Variants in COL14A1 observed in about 807,000 individuals in gnomAD.
COL14A1 encodes the protein collagen alpha-1(XIV) chain.
A neutral mutation model predicts 230.3 loss-of-function variants in COL14A1; 136 were observed. The observed-to-expected ratio is 0.59, with a 90% CI of 0.51 to 0.68. The LOEUF is 0.68. Ranked by LOEUF, COL14A1 falls within the 30% of genes least tolerant of loss-of-function variation. The probability of loss-of-function intolerance (pLI) is 0.00; values close to 1 mark genes in which losing one functional copy is unlikely to be tolerated. For synonymous variants in COL14A1, 792 were observed against 784.1 expected, an observed-to-expected ratio of 1.01 and a Z score of -0.17; for missense variants, 1,976 against 2,215.8, an observed-to-expected ratio of 0.89 and a Z score of 2.17.
rs528869805 is a variant in COL14A1 at position 120,347,397 on chromosome 8, C to T, written c.5077+1834C>T. Among the ~76,000 whole-genome samples, 270 of 152,218 alleles carry T rather than the reference C, an allele frequency of 1.8e-3. 1 individual carries two copies. Among genetic ancestry groups the T allele is most frequent in the African/African-American group, 6.3e-3 (261 of 41,512 alleles). ...AGTAAGACAGAAAGTGAGAAATGCCCTTTGAGCATGGGGAAAGGTGATTTT... is the reference window on the plus strand; with the variant it reads ...AGTAAGACAGAAAGTGAGAAATGCCTTTTGAGCATGGGGAAAGGTGATTTT... On this transcript the variant is annotated intron_variant, in intron 45 of 47. Coordinates refer to ENST00000297848, the MANE Select transcript of COL14A1 (RefSeq NM_021110.4).
At chr8:120,192,703 C>T (rs2130690758) in intron 5 of COL14A1, among the ~76,000 whole-genome samples, 1 of 152,202 alleles carries the variant, frequency 6.6e-6, no homozygotes, top group Admixed American at 6.5e-5. Flanking sequence ...TAGATTTGGT[C>T]TTTTCACGTA....
chr8:120,281,059 G>C lies in COL14A1; in HGVS notation c.3824G>C (p.Arg1275Thr), dbSNP rs747972828. The change falls in exon 31 of 48, where the codon AGG becomes ACG. Residue 1275 changes from arginine (R) to threonine (T), a missense_variant and splice_region_variant. By Grantham distance (71) the Arg-to-Thr change is moderately conservative (BLOSUM62 -1). This residue lies in a region of COL14A1 where 1,791 missense variants were observed against 2,019.5 expected (regional missense o/e 0.89). Coordinates refer to ENST00000297848, the MANE Select transcript of COL14A1 (RefSeq NM_021110.4). The stretch of plus-strand genomic sequence containing the variant: ...GATGCCCTGGTTTCCCAGCCAACCA[G>C]GTATGTTTCTGTTGAAAGATTTTAA... ...HKDALVSQPT[R>T]YLHPEGLPSD... is the part of the protein sequence containing the mutation. The C allele has an allele frequency of 6.3e-7, 1 of 1,599,156 alleles. No individual in the cohort carries two copies. The highest frequency in any genetic ancestry group is 8.5e-7 in the Non-Finnish European group (1 of 1,175,574).
chr8:120,271,025 A>C (rs1819650468), intron 26 of COL14A1, among the ~76,000 whole-genome samples: 1 of 151,846 alleles, frequency 6.6e-6, no homozygotes, highest in Non-Finnish European at 1.5e-5. Context: ...CATATACATC[A>C]TGGAATATTA....
intron 11 of COL14A1, 141 bp downstream of exon 11, chr8:120,208,502 C>A: frequency 1.1e-6 from 1 of 935,098 alleles, no homozygotes; most frequent in Non-Finnish European, 1.6e-6. Flanking sequence ...ATTTGTCGTG[C>A]TATATGTGAT....
intron 7 of COL14A1, among the ~76,000 whole-genome samples, chr8:120,198,321 C>T (rs1418785987): frequency 2.0e-5 from 3 of 152,076 alleles, no homozygotes; most frequent in African/African-American, 7.2e-5. Flanking sequence ...CCTTATTCTG[C>T]AATCATTAGT....
intron 36 of COL14A1, among the ~76,000 whole-genome samples, chr8:120,302,813 C>T (rs1296863886): frequency 6.6e-6 from 1 of 152,156 alleles, no homozygotes; most frequent in East Asian, 1.9e-4. Flanking sequence ...AGCAGTAACA[C>T]TGTAAATTGC....
At chr8:120,294,947 A>G (rs1476724412) in intron 34 of COL14A1, among the ~76,000 whole-genome samples, 1 of 151,896 alleles carries the variant, frequency 6.6e-6, no homozygotes, top group Non-Finnish European at 1.5e-5. Flanking sequence ...CAATAATTTC[A>G]TAAGGCAGAA....
intron 26 of COL14A1, among the ~76,000 whole-genome samples, chr8:120,270,611 A>C (rs1819639871): frequency 6.6e-6 from 1 of 151,790 alleles, no homozygotes; most frequent in Non-Finnish European, 1.5e-5. Context: ...CATGTACTAT[A>C]CTGTCATAAT....
At chr8:120,237,147 T>C (rs1477078584) in intron 19 of COL14A1, among the ~76,000 whole-genome samples, 3 of 152,204 alleles carry the variant, frequency 2.0e-5, no homozygotes, top group Non-Finnish European at 1.5e-5. Context: ...TGAATTTGAA[T>C]GTTGGCCTGT....
intron 12 of COL14A1, among the ~76,000 whole-genome samples, chr8:120,211,380 A>G (rs1443983330): frequency 6.6e-6 from 1 of 152,216 alleles, no homozygotes; most frequent in Non-Finnish European, 1.5e-5. Context: ...CAGAAAAAAT[A>G]ACAAGCTGCA....
At chr8:120,232,822 G>A (rs4871049) in intron 19 of COL14A1, among the ~76,000 whole-genome samples, 89,324 of 152,016 alleles carry the variant, frequency 0.59, 27,603 homozygotes, top group East Asian at 0.79. Flanking sequence ...CTAGTTCTAG[G>A]TCTTTGAGGA....
At chr8:120,360,788 C>T (rs1251772135) in intron 45 of COL14A1, among the ~76,000 whole-genome samples, 2 of 152,190 alleles carry the variant, frequency 1.3e-5, no homozygotes, top group Non-Finnish European at 2.9e-5. Flanking sequence ...GATGTTGGGA[C>T]TGGGCTAGGC....
At chr8:120,275,520 C>G (rs1346713895) in intron 26 of COL14A1, among the ~76,000 whole-genome samples, 1 of 149,520 alleles carries the variant, frequency 6.7e-6, no homozygotes, top group East Asian at 1.9e-4. Context: ...ACCTTCTGAA[C>G]AGCTAATCAT....
intron 36 of COL14A1, among the ~76,000 whole-genome samples, chr8:120,307,670 T>C (rs535344211): frequency 6.6e-6 from 1 of 152,268 alleles, no homozygotes; most frequent in Admixed American, 6.5e-5. Flanking sequence ...AAAAGATACA[T>C]AATCATAATA....
intron 14 of COL14A1, among the ~76,000 whole-genome samples, chr8:120,219,650 T>G (rs1260120691): frequency 1.3e-5 from 2 of 152,172 alleles, no homozygotes; most frequent in African/African-American, 4.8e-5. Context: ...GGGGATCAGG[T>G]AGCAACATAT....
At chr8:120,264,233 C>T (rs1449629646) in intron 24 of COL14A1, among the ~76,000 whole-genome samples, 1 of 152,182 alleles carries the variant, frequency 6.6e-6, no homozygotes, top group Non-Finnish European at 1.5e-5. Flanking sequence ...TTACATCTGG[C>T]ATCTTTCACT....
chr8:120,139,075 T>A (rs1037672528), intron 1 of COL14A1, among the ~76,000 whole-genome samples: 7 of 152,218 alleles, frequency 4.6e-5, no homozygotes, highest in African/African-American at 1.7e-4. Flanking sequence ...GAAGAAATGC[T>A]TCTAACTGTT....
rs201792912 is a variant in COL14A1, at chr8:120,220,564, G to A, written c.1737+4074G>A. On this transcript the variant is annotated intron_variant, in intron 14 of 47. Coordinates refer to ENST00000297848, the MANE Select transcript of COL14A1 (RefSeq NM_021110.4). ...TGGGATTACAGGTGTGAGCCACCGC[G>A]CCCAGCCCATGCAATTGATTATTAA... is the stretch of plus-strand genomic sequence containing the variant. Among the ~76,000 whole-genome samples, 8 of 152,134 alleles carry A rather than the reference G, an allele frequency of 5.3e-5. No individual in the cohort carries two copies. In the East Asian group the frequency reaches 1.4e-3, roughly 26 times the overall value.
intron 29 of COL14A1, among the ~76,000 whole-genome samples, chr8:120,280,490 C>T (rs1038869664): frequency 1.3e-5 from 2 of 152,102 alleles, no homozygotes; most frequent in African/African-American, 4.8e-5. Context: ...TTTTAATGAA[C>T]CCAGGAGAGA....
Sources: allele counts gnomAD v4.1 joint callset (sites outside exome capture counted in the v4.1 genomes callset), GRCh38; gene constraint gnomAD v4.1.1; regional missense constraint gnomAD v4.1.1; transcripts MANE v1.5; gene names NCBI Gene and HGNC (gene_info 2026-07-23, HGNC 2026-07-21).